KNTC1: variants seen among roughly 807,000 people sequenced by gnomAD.
KNTC1 encodes the protein kinetochore associated 1, also known as kinetochore-associated protein 1.
A neutral mutation model predicts 314.4 loss-of-function variants in KNTC1; 253 were observed. The observed-to-expected ratio is 0.80, with a 90% CI of 0.73 to 0.89. The LOEUF is 0.89. Ranked by LOEUF, KNTC1 falls within the 40% of genes least tolerant of loss-of-function variation. The pLI is 0.00. For missense variants in KNTC1, 2,475 were observed against 2,572.9 expected (o/e 0.96, Z 0.82); for synonymous variants, 901 against 901.4 (o/e 1.00, Z 0.01).
At chr12:122,607,757 T>G (rs1487247313) in intron 51 of KNTC1, among the ~76,000 whole-genome samples, 1 of 152,182 alleles carries the variant, frequency 6.6e-6, no homozygotes, top group Non-Finnish European at 1.5e-5. Context: ...ACACCTGATT[T>G]ATTGATGTTT....
At chr12:122,572,866 ATAAT>A (rs1356578637) in intron 24 of KNTC1, 67 bp from the exon 25 acceptor site, 11 of 1,237,456 alleles carry the variant, frequency 8.9e-6, no homozygotes, top group South Asian at 8.8e-5. Flanking sequence ...TTTATCTGAA[ATAAT>A]TCTGATTCTA....
intron 40 of KNTC1, among the ~76,000 whole-genome samples, chr12:122,589,315 T>G (rs1303740680): frequency 2.0e-5 from 3 of 151,698 alleles, no homozygotes; most frequent in African/African-American, 7.2e-5. Flanking sequence ...TTACCCTTTA[T>G]TTTTTAAAAG....
intron 1 of KNTC1, among the ~76,000 whole-genome samples, 152 bp from the exon 2 acceptor site, chr12:122,529,839 C>G (rs1046665676): frequency 6.6e-6 from 1 of 152,202 alleles, no homozygotes; most frequent in African/African-American, 2.4e-5. Flanking sequence ...CATCATAGCT[C>G]TAGTTCCATT....
chr12:122,604,920 A>G lies in KNTC1; in HGVS notation c.5219A>G (p.His1740Arg), dbSNP rs759672184. Residue 1740 changes from histidine (H) to arginine (R), a missense_variant, in exon 50 of 64, where the codon CAT (histidine) becomes CGT (arginine). Physicochemically the swap from His to Arg is conservative, Grantham distance 29. Coordinates refer to ENST00000333479, the MANE Select transcript of KNTC1 (RefSeq NM_014708.6). Reference sequence around the variant, plus strand: ...GCCGAGGCTTTGTTGAAGAAGCTTCATATCCAGTACCGGCGATCGGGCACA... The same window carrying G: ...GCCGAGGCTTTGTTGAAGAAGCTTCGTATCCAGTACCGGCGATCGGGCACA... ...EKAEALLKKL[H>R]IQYRRSGTEA... The G allele has an allele frequency of 5.0e-6, 8 of 1,610,164 alleles. No individual in the cohort carries two copies. The highest frequency in any genetic ancestry group is 3.3e-5 in the South Asian group (3 of 90,146).
chr12:122,584,569 A>G (rs950703587), intron 35 of KNTC1, 119 bp downstream of exon 35: 13 of 681,914 alleles, frequency 1.9e-5, no homozygotes, highest in Non-Finnish European at 2.6e-5. Flanking sequence ...TAGTATCTGC[A>G]TTTCACAAAG....
At chr12:122,618,461 G>GTTT (rs139890796) in intron 58 of KNTC1, 21 bp from the exon 59 acceptor site, 101 of 1,558,774 alleles carry the variant, frequency 6.5e-5, no homozygotes, top group South Asian at 1.8e-4. Context: ...TATCATGGTT[G>GTTT]TTTTTTTGTT....
intron 48 of KNTC1, 103 bp downstream of exon 48, chr12:122,603,346 G>T (rs973881770): frequency 1.2e-6 from 1 of 867,200 alleles, no homozygotes; most frequent in Admixed American, 2.9e-5. Flanking sequence ...GTATTTGCTT[G>T]CTCTCTTAAC....
Position 122,575,657 on chromosome 12 carries a change from T to C in KNTC1, c.2486+11T>C. The C allele has an allele frequency of 1.3e-6, 2 of 1,562,776 alleles. No homozygotes were observed. Among genetic ancestry groups the C allele is most frequent in the Non-Finnish European group, 1.7e-6 (2 of 1,145,558 alleles). The stretch of plus-strand genomic sequence containing the variant: ...AATGGACCATCCCAAGTAAGATGAC[T>C]GTCTACGAAACAATGTTGTTATGCT... On this transcript the variant is annotated intron_variant, in intron 28 of 63. Transcript: ENST00000333479.
At position 122,605,071 on chromosome 12, in the gene KNTC1, T is replaced by G. The variant is rs1474391267; in HGVS notation, c.5370T>G (p.Ser1790=). The part of the protein sequence containing the change: ...PSINQRIQNS[S]GTDYPDIHAA... ...TCAATCAAAGAATTCAGAATTCATC[T>G]GGCACAGATTATCCTGGTGAGGACA... The change falls in exon 50 of 64, where the codon TCT becomes TCG. Residue 1790 remains serine (S), a synonymous_variant. Transcript: ENST00000333479. The G allele has an allele frequency of 6.2e-7, 1 of 1,610,522 alleles. No homozygotes were observed. The highest frequency in any genetic ancestry group is 8.5e-7 in the Non-Finnish European group (1 of 1,178,552).
intron 3 of KNTC1, 64 bp from the exon 4 acceptor site, chr12:122,538,274 AT>A (rs960491705): frequency 2.3e-4 from 214 of 947,714 alleles, no homozygotes; most frequent in Middle Eastern, 7.0e-4. Context: ...AAAAATTTGT[AT>A]TTTTTTTGTA....
At chr12:122,579,025 C>CCTTTTTTTT in intron 31 of KNTC1, among the ~76,000 whole-genome samples, 1 of 75,210 alleles carries the variant, frequency 1.3e-5, no homozygotes, top group Admixed American at 2.0e-4. Flanking sequence ...AGTCTGTATT[C>CCTTTTTTTT]TTTTTTTTTT....
intron 4 of KNTC1, among the ~76,000 whole-genome samples, chr12:122,539,186 T>G (rs1962087815): frequency 6.6e-6 from 1 of 152,188 alleles, no homozygotes; most frequent in Non-Finnish European, 1.5e-5. Flanking sequence ...AGCAGGCAGC[T>G]TTCTGCTGTT....
intron 33 of KNTC1, 46 bp from the exon 34 acceptor site, chr12:122,582,659 T>A: frequency 6.8e-7 from 1 of 1,473,068 alleles, no homozygotes. Context: ...TTTTAAACAA[T>A]AGATTAAACA....
rs1871921162 is a variant in KNTC1 at position 122,601,627 on chromosome 12, T to C, written c.4653+2T>C. ...ATAACCAATATTAATATTAATCAGG[T>C]ATAACAAATATATCAAAGATGTAAA... On this transcript the variant is annotated splice_donor_variant, in intron 45 of 63. Transcript: ENST00000333479. LOFTEE classifies it high-confidence loss of function. 1 of 1,486,946 alleles carries C rather than the reference T, an allele frequency of 6.7e-7. No individual in the cohort carries two copies. The highest frequency in any genetic ancestry group is 1.4e-5 in the African/African-American group (1 of 69,302). 92.1% of individuals were successfully genotyped at this position (1,486,946 alleles called of 1,614,324 possible). A position where few individuals can be genotyped will look rare whatever the true frequency, so the allele number is the denominator to read the frequency against.
intron 20 of KNTC1, chr12:122,563,673 A>C: frequency 1.1e-6 from 1 of 882,480 alleles, no homozygotes; most frequent in Non-Finnish European, 1.5e-6. Flanking sequence ...CATCTTTTCT[A>C]TCCTATTGAG....
At chr12:122,552,814 C>T (rs1593523071) in intron 16 of KNTC1, among the ~76,000 whole-genome samples, 1 of 152,130 alleles carries the variant, frequency 6.6e-6, no homozygotes, top group East Asian at 1.9e-4. Flanking sequence ...GAGACCTGAA[C>T]CAGGGCAATG....
At chr12:122,580,016 C>A in intron 32 of KNTC1, 39 bp downstream of exon 32, 3 of 1,354,800 alleles carry the variant, frequency 2.2e-6, no homozygotes, top group Non-Finnish European at 3.2e-6. Context: ...AGTTTTGTTC[C>A]AAAGCTCACC....
chr12:122,557,777 C>T (rs1017184437), intron 18 of KNTC1, 88 bp downstream of exon 18: 22 of 880,358 alleles, frequency 2.5e-5, no homozygotes, highest in Non-Finnish European at 3.4e-5. Flanking sequence ...TATATCTTTT[C>T]CTCCTATCCG....
intron 44 of KNTC1, among the ~76,000 whole-genome samples, 175 bp downstream of exon 44, chr12:122,598,113 CA>C (rs945085915): frequency 6.6e-5 from 10 of 152,136 alleles, no homozygotes; most frequent in African/African-American, 1.9e-4. Context: ...TCCCATTTTT[CA>C]AAATAGAAAT....
Sources: allele counts gnomAD v4.1 joint callset (sites outside exome capture counted in the v4.1 genomes callset), GRCh38; gene constraint gnomAD v4.1.1; transcripts MANE v1.5; gene names NCBI Gene and HGNC (gene_info 2026-07-23, HGNC 2026-07-21).